SOBP: variants seen among roughly 807,000 people sequenced by gnomAD.
SOBP encodes the protein sine oculis-binding protein homolog.
A neutral mutation model predicts 53.6 loss-of-function variants in SOBP; 4 were observed. The ratio of observed to expected loss-of-function variants is 0.07; its 90% CI spans 0.04 to 0.17. SOBP has a LOEUF of 0.17. SOBP is among the 10% of genes least tolerant of loss of function. The pLI, the probability that SOBP is intolerant of heterozygous loss-of-function variation, is 1.00. For missense variants in SOBP, 1,088 were observed against 1,204.7 expected (o/e 0.90, Z 1.43); for synonymous variants, 584 against 522.6 (o/e 1.12, Z -1.60).
chr6:107,551,044 T>C (rs903531977), intron 4 of SOBP, among the ~76,000 whole-genome samples: 2 of 152,208 alleles, frequency 1.3e-5, no homozygotes, highest in Admixed American at 6.5e-5. Flanking sequence ...AAGAGTTTAA[T>C]ATGTGTCTGC....
chr6:107,568,129 T>A (rs1784969816), intron 4 of SOBP, among the ~76,000 whole-genome samples: 1 of 152,220 alleles, frequency 6.6e-6, no homozygotes, highest in Non-Finnish European at 1.5e-5. Flanking sequence ...CACACTATTG[T>A]TAATAGATAG....
chr6:107,576,108 G>A (rs571501745), intron 4 of SOBP, among the ~76,000 whole-genome samples: 2 of 152,264 alleles, frequency 1.3e-5, no homozygotes, highest in South Asian at 2.1e-4. Context: ...TAGCACCTCC[G>A]TTAACAGGTC....
At chr6:107,658,113 T>TG (rs1438614989) in intron 6 of SOBP, 94 bp from the exon 7 acceptor site, 1 of 153,002 alleles carries the variant, frequency 6.5e-6, no homozygotes, top group African/African-American at 2.4e-5. Context: ...GAGAGTGTGC[T>TG]GCTGTCTGAC....
intron 5 of SOBP, among the ~76,000 whole-genome samples, chr6:107,609,953 C>T (rs908023090): frequency 2.0e-5 from 3 of 152,198 alleles, no homozygotes; most frequent in Non-Finnish European, 4.4e-5. Context: ...TCTCTTCCCA[C>T]TCTAAATACA....
In SOBP at chr6:107,658,548, A is replaced by G. The variant is rs1772167642; in HGVS notation, c.*345A>G. 1 of 152,630 alleles carries G rather than the reference A, an allele frequency of 6.6e-6. No homozygotes were observed. The highest frequency in any genetic ancestry group is 1.5e-5 in the Non-Finnish European group (1 of 68,016). 9.5% of individuals were successfully genotyped at this position (152,630 alleles called of 1,614,324 possible). The stretch of plus-strand genomic sequence containing the variant: ...CCAATGTAGGTATTCTCCCCGCCCC[A>G]TCTTCAAGGCTCAGCGACTGAGGCT... On this transcript the variant is annotated 3_prime_UTR_variant, in exon 7 of 7. Transcript: ENST00000317357.
intron 4 of SOBP, among the ~76,000 whole-genome samples, chr6:107,569,894 C>A (rs73762265): frequency 4.5e-4 from 68 of 152,348 alleles, no homozygotes; most frequent in African/African-American, 1.6e-3. Context: ...TTCTCACCCC[C>A]CTTTGCAGCC....
intron 5 of SOBP, among the ~76,000 whole-genome samples, chr6:107,605,051 CT>C (rs1173365801): frequency 1.3e-5 from 2 of 152,218 alleles, no homozygotes; most frequent in African/African-American, 4.8e-5. Flanking sequence ...CCTCTTCCTC[CT>C]CCCCCCTCCA....
At chr6:107,593,866 A>G (rs1423376668) in intron 5 of SOBP, among the ~76,000 whole-genome samples, 1 of 152,216 alleles carries the variant, frequency 6.6e-6, no homozygotes, top group East Asian at 1.9e-4. Context: ...CTCAAATGTA[A>G]TATTTTTAAT....
rs1388685340 is a variant in SOBP at position 107,633,892 on chromosome 6, C to T, written c.1048C>T (p.Pro350Ser). 1.9e-6 allele frequency: 3 copies of T among 1,614,232 alleles called. No homozygotes were observed. Among genetic ancestry groups the T allele is most frequent in the Admixed American group, 3.3e-5 (2 of 60,032 alleles). Residue 350 changes from proline (P) to serine (S), a missense_variant, in exon 6 of 7, where the codon CCC becomes TCC. By Grantham distance (74) the Pro-to-Ser change is moderately conservative. Coordinates refer to ENST00000317357, the MANE Select transcript of SOBP (RefSeq NM_018013.4). ...CSVTKIPTPV[P>S]KSIPISETPN... The stretch of plus-strand genomic sequence containing the variant: ...TGTCACTAAAATCCCCACGCCAGTG[C>T]CCAAGTCCATCCCCATCAGCGAGAC...
At chr6:107,616,101 G>T (rs1453735185) in intron 5 of SOBP, among the ~76,000 whole-genome samples, 1 of 130,694 alleles carries the variant, frequency 7.7e-6, no homozygotes, top group Non-Finnish European at 1.6e-5. Flanking sequence ...GGGGCGGGGG[G>T]GCGGCTTCAG....
intron 4 of SOBP, among the ~76,000 whole-genome samples, chr6:107,551,203 A>G (rs1012774392): frequency 2.0e-5 from 3 of 152,172 alleles, no homozygotes; most frequent in African/African-American, 7.2e-5. Flanking sequence ...CACAACAGAT[A>G]TATCAGCTCT....
chr6:107,634,434 CGTGCCCCTACCG>C lies in SOBP; in HGVS notation c.1597_1608del (p.Leu533_Pro536del). ...CCCTGCTCGTGCCGTACCCCGTGATCGTGCCCCTACCGGTGCCCATCCCCATCCCCATCCCTA... is the reference window on the plus strand; with the variant it reads ...CCCTGCTCGTGCCGTACCCCGTGATCGTGCCCATCCCCATCCCCATCCCTA... On this transcript the variant is annotated inframe_deletion, in exon 6 of 7. Coordinates refer to ENST00000317357, the MANE Select transcript of SOBP (RefSeq NM_018013.4). This position sits in a 1 kb window ranked among gnomAD's most constrained non-coding sequence, Gnocchi z 4.5. 1.2e-6 allele frequency: 2 copies of C among 1,607,958 alleles called. No individual in the cohort carries two copies. Among genetic ancestry groups the C allele is most frequent in the Non-Finnish European group, 1.7e-6 (2 of 1,179,818 alleles).
chr6:107,613,464 T>C (rs1016970334), intron 5 of SOBP, among the ~76,000 whole-genome samples: 3 of 152,250 alleles, frequency 2.0e-5, no homozygotes, highest in Admixed American at 2.0e-4. Flanking sequence ...AGATGTTTTA[T>C]GTTACTCCAT....
chr6:107,556,241 A>G lies in SOBP; in HGVS notation c.573+22631A>G, dbSNP rs566202295. Among the ~76,000 whole-genome samples, 5 of 152,340 alleles carry G rather than the reference A, an allele frequency of 3.3e-5. No homozygotes were observed. The South Asian group carries it at 6.2e-4, about 19-fold the overall frequency. Reference sequence around the variant, plus strand: ...GTCAAGGGTGGTGTCTAATGATCCCATTCAGTGGTTTGTCATGTGTAAAAA... The same window carrying G: ...GTCAAGGGTGGTGTCTAATGATCCCGTTCAGTGGTTTGTCATGTGTAAAAA... On this transcript the variant is annotated intron_variant, in intron 4 of 6. Coordinates refer to ENST00000317357, the MANE Select transcript of SOBP (RefSeq NM_018013.4).
At chr6:107,603,543 T>C (rs1786260807) in intron 5 of SOBP, among the ~76,000 whole-genome samples, 1 of 152,170 alleles carries the variant, frequency 6.6e-6, no homozygotes. Context: ...TGAACTGATG[T>C]TTACAGACAT....
chr6:107,520,046 A>G (rs1305156631), intron 3 of SOBP, among the ~76,000 whole-genome samples: 1 of 152,208 alleles, frequency 6.6e-6, no homozygotes, highest in Non-Finnish European at 1.5e-5. Context: ...TGAATATACA[A>G]TGAAAGAGTA....
At chr6:107,615,861 A>G in intron 5 of SOBP, among the ~76,000 whole-genome samples, 1 of 151,750 alleles carries the variant, frequency 6.6e-6, no homozygotes, top group Non-Finnish European at 1.5e-5. Context: ...TCTCTAAAAA[A>G]AAATTTATAA....
At chr6:107,572,013 G>A (rs757400422) in intron 4 of SOBP, among the ~76,000 whole-genome samples, 5 of 152,086 alleles carry the variant, frequency 3.3e-5, no homozygotes, top group Admixed American at 6.6e-5. Flanking sequence ...GAAATAAATC[G>A]GTAAAATAAA....
chr6:107,588,644 T>C (rs928054206), intron 5 of SOBP, among the ~76,000 whole-genome samples: 6 of 152,222 alleles, frequency 3.9e-5, no homozygotes, highest in African/African-American at 1.4e-4. Context: ...TTTGCAAAAG[T>C]AACATGCCAT....
Sources: gnomAD v4.1 joint callset for allele counts (sites outside exome capture counted in the v4.1 genomes callset) on GRCh38, gnomAD v4.1.1 for gene constraint, Gnocchi (gnomAD v3.1) non-coding constraint, MANE v1.5 for transcripts, NCBI Gene and HGNC (gene_info 2026-07-23, HGNC 2026-07-21) for gene names.